Variants in SIPA1L1 observed in about 807,000 individuals in gnomAD.
The protein encoded by SIPA1L1 is signal induced proliferation associated 1 like 1.
In SIPA1L1, 26 loss-of-function variants were observed where a neutral mutation model predicts 162.7. That is an observed-to-expected ratio of 0.16 (90% CI 0.12 to 0.22). The LOEUF is 0.22. Among genes scored for constraint, SIPA1L1 ranks in the 10% least tolerant of loss-of-function variants. The probability of loss-of-function intolerance (pLI) is 1.00; values close to 1 mark genes in which losing one functional copy is unlikely to be tolerated. For missense variants in SIPA1L1, 1,874 were observed against 2,241.0 expected (o/e 0.84, Z 3.31); for synonymous variants, 829 against 837.4 (o/e 0.99, Z 0.17).
chr14:71,422,335 T>G (rs891120781), intron 2 of SIPA1L1, among the ~76,000 whole-genome samples: 20 of 152,242 alleles, frequency 1.3e-4, no homozygotes, highest in African/African-American at 4.6e-4. Context: ...ACAATACATA[T>G]AACATCTTAA....
At chr14:71,525,466 A>G (rs1381483176) in intron 3 of SIPA1L1, among the ~76,000 whole-genome samples, 2 of 152,224 alleles carry the variant, frequency 1.3e-5, no homozygotes, top group Non-Finnish European at 2.9e-5. Flanking sequence ...TACAGGCGTG[A>G]GCCACTGCGC....
At chr14:71,643,056 G>C (rs979651481) in intron 7 of SIPA1L1, among the ~76,000 whole-genome samples, 1 of 151,928 alleles carries the variant, frequency 6.6e-6, no homozygotes, top group Admixed American at 6.6e-5. Context: ...CCCCAGAGGA[G>C]TTAGGAACTA....
intron 2 of SIPA1L1, among the ~76,000 whole-genome samples, chr14:71,464,439 G>A (rs1018863782): frequency 4.6e-5 from 7 of 152,118 alleles, no homozygotes; most frequent in Non-Finnish European, 7.4e-5. Context: ...TCAGGACTTC[G>A]AGACCAGCCT....
In SIPA1L1 at chr14:71,730,080, C is replaced by G; in HGVS notation, c.4640C>G (p.Ser1547Cys). 6.2e-7 allele frequency: 1 copy of G among 1,614,170 alleles called. No homozygotes were observed. Residue 1547 changes from serine to cysteine, a missense_variant, in exon 20 of 24, where the codon TCT (serine) becomes TGT (cysteine). This residue lies in a region of SIPA1L1 where 936 missense variants were observed against 1,051.9 expected (regional missense o/e 0.89). Transcript: ENST00000381232. ...FKFHALSSPQ[S>C]PFPSTPTSRR... Reference sequence around the variant, plus strand: ...TTCCACGCACTCTCCTCTCCTCAGTCTCCTTTCCCCAGCACCCCCACCTCA... The same window carrying G: ...TTCCACGCACTCTCCTCTCCTCAGTGTCCTTTCCCCAGCACCCCCACCTCA...
intron 17 of SIPA1L1, 132 bp downstream of exon 17, chr14:71,709,796 GT>G (rs2082731120): frequency 2.9e-6 from 2 of 678,266 alleles, no homozygotes; most frequent in African/African-American, 3.6e-5. Flanking sequence ...ATTTTTATAT[GT>G]TTAATGCCCT....
At chr14:71,643,985 T>G (rs1435724166) in intron 7 of SIPA1L1, among the ~76,000 whole-genome samples, 1 of 152,100 alleles carries the variant, frequency 6.6e-6, no homozygotes, top group African/African-American at 2.4e-5. Flanking sequence ...ATTTTGTATT[T>G]TTAGTAGAGA....
intron 4 of SIPA1L1, chr14:71,573,524 T>C (rs1042062866): frequency 2.0e-5 from 9 of 455,554 alleles, no homozygotes; most frequent in African/African-American, 1.8e-4. Flanking sequence ...AGAGAAAGAG[T>C]GGATGTCTAC....
In SIPA1L1 at chr14:71,589,265, G is replaced by C. The variant is rs552725596; in HGVS notation, c.1393G>C (p.Val465Leu). The C allele has an allele frequency of 1.2e-6, 2 of 1,613,986 alleles. No homozygotes were observed. The highest frequency in any genetic ancestry group is 2.2e-5 in the South Asian group (2 of 91,078). Residue 465 changes from valine (V) to leucine (L), a missense_variant, in exon 5 of 24, where the codon GTG becomes CTG. Coordinates refer to ENST00000381232, the MANE Select transcript of SIPA1L1 (RefSeq NM_001386936.1). ...AAATGCAGGAGTGGCAGTACTTGAA[G>C]TGCCCAAGGAGAACTTGGTGTTGCA... is the stretch of plus-strand genomic sequence containing the variant. ...CTNAGVAVLEVPKENLVLHLD... is the reference protein window; with the variant it reads ...CTNAGVAVLELPKENLVLHLD...
chr14:71,654,614 A>ATTT (rs2042904952), intron 8 of SIPA1L1, among the ~76,000 whole-genome samples: 1 of 152,202 alleles, frequency 6.6e-6, no homozygotes, highest in African/African-American at 2.4e-5. Flanking sequence ...AAGATCTTAA[A>ATTT]AGAGATATAA....
Position 71,587,912 on chromosome 14 carries a change from G to A in SIPA1L1, c.40G>A (p.Ala14Thr). ...ACGGTCACAGACAGAAAGGCCTCTTGCCACTGACAGGGCCTCTGTTGTTGG... is the reference window on the plus strand; with the variant it reads ...ACGGTCACAGACAGAAAGGCCTCTTACCACTGACAGGGCCTCTGTTGTTGG... ...LKRSQTERPL[A>T]TDRASVVGTD... Residue 14 changes from alanine to threonine, a missense_variant, in exon 5 of 24, where the codon GCC becomes ACC. Ala to Thr is a moderately conservative substitution (Grantham distance 58). Around this residue, in one of 5 missense-constraint regions of SIPA1L1, gnomAD observed 685 missense variants for 828.0 expected, o/e 0.83. Coordinates refer to ENST00000381232, the MANE Select transcript of SIPA1L1 (RefSeq NM_001386936.1). 15 of 1,612,088 alleles carry A rather than the reference G, an allele frequency of 9.3e-6. No individual in the cohort carries two copies. The highest frequency in any genetic ancestry group is 1.3e-5 in the Non-Finnish European group (15 of 1,178,288).
intron 2 of SIPA1L1, among the ~76,000 whole-genome samples, chr14:71,352,165 A>G (rs1249869215): frequency 6.6e-6 from 1 of 152,096 alleles, no homozygotes; most frequent in Non-Finnish European, 1.5e-5. Context: ...GAAAGCACAA[A>G]TGTACCATGG....
chr14:71,642,220 A>C (rs769484587), intron 7 of SIPA1L1, among the ~76,000 whole-genome samples: 1 of 152,220 alleles, frequency 6.6e-6, no homozygotes, highest in Non-Finnish European at 1.5e-5. Context: ...GTGAACCCTA[A>C]GATTGCACCA....
intron 2 of SIPA1L1, among the ~76,000 whole-genome samples, chr14:71,383,599 T>C (rs2040082942): frequency 6.6e-6 from 1 of 152,154 alleles, no homozygotes; most frequent in African/African-American, 2.4e-5. Context: ...GGTACTAGCA[T>C]GGCACAGTCA....
intron 2 of SIPA1L1, chr14:71,400,788 C>A (rs2041612000): frequency 6.6e-6 from 1 of 152,030 alleles, no homozygotes; most frequent in Admixed American, 6.6e-5. Context: ...GTCGTATTTG[C>A]TTCAGGTCTT....
intron 2 of SIPA1L1, among the ~76,000 whole-genome samples, chr14:71,474,863 A>C (rs1018137956): frequency 1.3e-5 from 2 of 152,146 alleles, no homozygotes; most frequent in African/African-American, 2.4e-5. Context: ...CTGAAAAAAA[A>C]CCCTTAAATT....
At chr14:71,508,014 C>T (rs370868209) in intron 2 of SIPA1L1, among the ~76,000 whole-genome samples, 2 of 152,142 alleles carry the variant, frequency 1.3e-5, no homozygotes, top group African/African-American at 4.8e-5. Context: ...AGAGGGTAAC[C>T]GGCATAAGCT....
At chr14:71,343,859 G>A (rs1408784013) in intron 2 of SIPA1L1, among the ~76,000 whole-genome samples, 2 of 152,174 alleles carry the variant, frequency 1.3e-5, no homozygotes, top group East Asian at 3.8e-4. Flanking sequence ...CAAGTTACAA[G>A]TGTGTTGTGT....
chr14:71,456,591 T>A (rs1227272468), intron 2 of SIPA1L1, among the ~76,000 whole-genome samples: 1 of 152,200 alleles, frequency 6.6e-6, no homozygotes, highest in East Asian at 1.9e-4. Flanking sequence ...CAACTCTATA[T>A]TACTTTGTTT....
Position 71,376,672 on chromosome 14 carries a change from G to A in SIPA1L1, c.-465+55491G>A, listed in dbSNP as rs184066463. On this transcript the variant is annotated intron_variant, in intron 2 of 23. Coordinates refer to ENST00000381232, the MANE Select transcript of SIPA1L1 (RefSeq NM_001386936.1). ...AGAGAAGGTCAGCAGATAAACAGGT[G>A]AACAAAGGTCTCTGGTTTTCCTAGG... 1.3e-4 allele frequency among the ~76,000 whole-genome samples: 20 copies of A among 152,128 alleles called. No individual in the cohort carries two copies. In the East Asian group the frequency reaches 3.7e-3, roughly 28 times the overall value.
Sources: allele counts gnomAD v4.1 joint callset (sites outside exome capture counted in the v4.1 genomes callset), GRCh38; gene constraint gnomAD v4.1.1; regional missense constraint gnomAD v4.1.1; transcripts MANE v1.5; gene names NCBI Gene and HGNC (gene_info 2026-07-23, HGNC 2026-07-21).